The following SIN3B variants were observed in gnomAD, a reference collection of about 807,000 sequenced individuals.
SIN3B encodes the protein SIN3 transcription regulator family member B.
A neutral mutation model predicts 120.2 loss-of-function variants in SIN3B; 19 were observed. The observed-to-expected ratio is 0.16, with a 90% CI of 0.11 to 0.23. SIN3B has a LOEUF of 0.23. Among genes scored for constraint, SIN3B ranks in the 10% least tolerant of loss-of-function variants. SIN3B has a pLI of 1.00. For missense variants in SIN3B, 1,073 were observed against 1,573.0 expected (o/e 0.68, Z 5.38); for synonymous variants, 654 against 653.2 (o/e 1.00, Z -0.02).
In SIN3B at chr19:16,869,149, G is replaced by A. The variant is rs147945571; in HGVS notation, c.1807-311G>A. Among the ~76,000 whole-genome samples the A allele has an allele frequency of 1.2e-4, 19 of 152,256 alleles. No homozygotes were observed. The East Asian group carries it at 3.3e-3, about 26-fold the overall frequency. ...GCTGAGCGACAGACCCAGGCTTGAC[G>A]CTGTCAGACCCCCTGTGAACCCCGC... On this transcript the variant is annotated intron_variant, in intron 12 of 18. Transcript: ENST00000248054.
intron 17 of SIN3B, 132 bp from the exon 18 acceptor site, chr19:16,878,051 C>T: frequency 1.4e-6 from 1 of 739,732 alleles, no homozygotes; most frequent in African/African-American, 1.8e-5. Flanking sequence ...TTGTTGCTTC[C>T]ATTTGCTTTC....
intron 2 of SIN3B, 36 bp downstream of exon 2, chr19:16,829,933 C>G: frequency 2.7e-6 from 4 of 1,491,768 alleles, no homozygotes; most frequent in Non-Finnish European, 3.7e-6. Flanking sequence ...CAGGGGACCC[C>G]CCTGGGCCGG....
chr19:16,829,404 C>A lies in SIN3B; in HGVS notation c.-17C>A, dbSNP rs1178538439. On this transcript the variant is annotated 5_prime_UTR_variant, in exon 1 of 19. Transcript: ENST00000248054. The stretch of plus-strand genomic sequence containing the variant: ...CCTCGGGCGGGGGCGGGGCGGGGCG[C>A]AGCTCCGACTTCGGACATGGCGCAC... 8.3e-7 allele frequency: 1 copy of A among 1,198,414 alleles called. No homozygotes were observed. Among genetic ancestry groups the A allele is most frequent in the Non-Finnish European group, 1.0e-6 (1 of 966,000 alleles). The allele number at this position is 1,198,414 out of a possible 1,614,324, so 74.2% of individuals were successfully genotyped here.
intron 4 of SIN3B, among the ~76,000 whole-genome samples, chr19:16,843,498 T>C (rs933053814): frequency 2.0e-5 from 3 of 152,214 alleles, no homozygotes; most frequent in African/African-American, 7.2e-5. Context: ...TGCCAGTGGC[T>C]GCTGTGAGCA....
Position 16,878,907 on chromosome 19 carries a change from T to C in SIN3B, c.*180T>C, listed in dbSNP as rs2051652400. 6 of 630,292 alleles carry C rather than the reference T, an allele frequency of 9.5e-6. No individual in the cohort carries two copies. The allele number at this position is 630,292 out of a possible 1,614,324, so 39.0% of individuals were successfully genotyped here. On this transcript the variant is annotated 3_prime_UTR_variant, in exon 19 of 19. Transcript: ENST00000248054. The stretch of plus-strand genomic sequence containing the variant: ...GGCTCCCGGTCTCCTGTGGGCCTGC[T>C]GTGTGCCAAACCTGAGCTACCTGCA...
intron 14 of SIN3B, 45 bp downstream of exon 14, chr19:16,871,443 G>T: frequency 1.3e-6 from 2 of 1,541,010 alleles, no homozygotes; most frequent in Non-Finnish European, 1.8e-6. Flanking sequence ...CGGCGGAAAT[G>T]GCTCTACCAT....
At chr19:16,831,261 C>G (rs1193561033) in intron 2 of SIN3B, among the ~76,000 whole-genome samples, 1 of 152,032 alleles carries the variant, frequency 6.6e-6, no homozygotes, top group African/African-American at 2.4e-5. Context: ...CAGGGTTTCA[C>G]CATGTTGACC....
At chr19:16,852,286 C>T (rs1050095992) in intron 6 of SIN3B, among the ~76,000 whole-genome samples, 4 of 152,016 alleles carry the variant, frequency 2.6e-5, no homozygotes, top group Non-Finnish European at 4.4e-5. Flanking sequence ...CATTCTTTCT[C>T]CTGTGGGGGG....
At chr19:16,877,430 C>T in intron 16 of SIN3B, 115 bp from the exon 17 acceptor site, 2 of 726,908 alleles carry the variant, frequency 2.8e-6, no homozygotes, top group Non-Finnish European at 4.7e-6. Context: ...TCTCCTCATG[C>T]TCTGGCAGTG....
intron 3 of SIN3B, among the ~76,000 whole-genome samples, chr19:16,837,078 T>G (rs1599588994): frequency 6.7e-6 from 1 of 150,076 alleles, no homozygotes; most frequent in South Asian, 2.1e-4. Context: ...CAGGGAAGGG[T>G]GGGAGGAGGT....
rs111839844 is a variant in SIN3B at position 16,841,878 on chromosome 19, C to T, written c.492C>T (p.Asn164=). ...PLESDSVEFN[N]AISYVNKIKT... is the part of the protein sequence containing the mutation. ...AGTCCGATTCCGTGGAATTCAACAA[C>T]GCCATCAGCTATGTGAATAAGATTA... Residue 164 remains asparagine (N), a synonymous_variant, in exon 4 of 19, where the codon AAC becomes AAT. Coordinates refer to ENST00000248054, the MANE Select transcript of SIN3B (RefSeq NM_001297595.2). 62 of 1,614,088 alleles carry T rather than the reference C, an allele frequency of 3.8e-5. No individual in the cohort carries two copies. The highest frequency in any genetic ancestry group is 3.1e-4 in the African/African-American group (23 of 75,002).
chr19:16,863,593 G>C (rs561410105), intron 9 of SIN3B, 87 bp from the exon 10 acceptor site: 4 of 832,518 alleles, frequency 4.8e-6, no homozygotes, highest in South Asian at 1.3e-5. Context: ...ATGGTATTAT[G>C]TATCTTGGTA....
intron 14 of SIN3B, among the ~76,000 whole-genome samples, chr19:16,872,970 A>G (rs2051531946): frequency 6.6e-6 from 1 of 151,890 alleles, no homozygotes; most frequent in African/African-American, 2.4e-5. Flanking sequence ...GTCTATGTAC[A>G]TTTCTGCTGC....
chr19:16,829,796 A>G lies in SIN3B; in HGVS notation c.126A>G (p.Glu42=). The change falls in exon 2 of 19, where the codon GAA becomes GAG. Residue 42 remains glutamate, a synonymous_variant. Transcript: ENST00000248054. Reference sequence around the variant, plus strand: ...GACCCTCCCCCTCTCTGCAGGTAGAAGACGCCCTCACCTATCTGGACCAGG... The same window carrying G: ...GACCCTCCCCCTCTCTGCAGGTAGAGGACGCCCTCACCTATCTGGACCAGG... ...AGHEKLPVHV[E]DALTYLDQVK... 2.5e-6 allele frequency: 4 copies of G among 1,611,654 alleles called. No individual in the cohort carries two copies. The highest frequency in any genetic ancestry group is 3.4e-6 in the Non-Finnish European group (4 of 1,178,344).
At chr19:16,855,974 T>C (rs1380582902) in intron 8 of SIN3B, among the ~76,000 whole-genome samples, 2 of 151,990 alleles carry the variant, frequency 1.3e-5, no homozygotes, top group Non-Finnish European at 2.9e-5. Context: ...GAAGGATAGC[T>C]TGAGCCAGGG....
chr19:16,829,401 G>A lies in SIN3B; in HGVS notation c.-20G>A. 8.3e-7 allele frequency: 1 copy of A among 1,197,702 alleles called. No homozygotes were observed. Among genetic ancestry groups the A allele is most frequent in the Non-Finnish European group, 1.0e-6 (1 of 965,638 alleles). The allele number at this position is 1,197,702 out of a possible 1,614,324, so 74.2% of individuals were successfully genotyped here. A position where few individuals can be genotyped will look rare whatever the true frequency, so the allele number is the denominator to read the frequency against. On this transcript the variant is annotated 5_prime_UTR_variant, in exon 1 of 19. Transcript: ENST00000248054. ...GGACCTCGGGCGGGGGCGGGGCGGG[G>A]CGCAGCTCCGACTTCGGACATGGCG...
chr19:16,850,673 G>T (rs924412430), intron 5 of SIN3B, among the ~76,000 whole-genome samples: 1 of 152,154 alleles, frequency 6.6e-6, no homozygotes, highest in Non-Finnish European at 1.5e-5. Flanking sequence ...ACGTTGTAGG[G>T]CCTCTCCAGC....
chr19:16,862,918 C>T lies in SIN3B; in HGVS notation c.1266+359C>T, dbSNP rs761147809. 18 of 1,614,272 alleles carry T rather than the reference C, an allele frequency of 1.1e-5. No individual in the cohort carries two copies. The highest frequency in any genetic ancestry group is 1.5e-5 in the Non-Finnish European group (18 of 1,180,046). On this transcript the variant is annotated intron_variant, in intron 9 of 18. Coordinates refer to ENST00000248054, the MANE Select transcript of SIN3B (RefSeq NM_001297595.2). The surrounding 1 kb of genome is among the most constrained non-coding windows in gnomAD (Gnocchi z 4.7). ...TGGACACTTCTCCAGGGTTCGTGGA[C>T]AGACGATTACTGCATGTCCAAGTTC...
chr19:16,861,393 G>A (rs1971685955), intron 8 of SIN3B, among the ~76,000 whole-genome samples: 1 of 152,206 alleles, frequency 6.6e-6, no homozygotes, highest in Admixed American at 6.5e-5. Flanking sequence ...TTGGGAGGTT[G>A]AGGTGAAAGG....
Sources: gnomAD v4.1 joint callset for allele counts (sites outside exome capture counted in the v4.1 genomes callset) on GRCh38, gnomAD v4.1.1 for gene constraint, Gnocchi (gnomAD v3.1) non-coding constraint, MANE v1.5 for transcripts, NCBI Gene and HGNC (gene_info 2026-07-23, HGNC 2026-07-21) for gene names.